MYCBP2: variants seen among roughly 807,000 people sequenced by gnomAD.
MYCBP2 encodes the protein MYC binding protein 2.
A neutral mutation model predicts 525.3 loss-of-function variants in MYCBP2; 120 were observed. That is an observed-to-expected ratio of 0.23 (90% CI 0.20 to 0.27). The LOEUF is 0.27. Among genes scored for constraint, MYCBP2 ranks in the 10% least tolerant of loss-of-function variants. The pLI is 1.00. For missense variants in MYCBP2, 4,149 were observed against 5,657.1 expected, an observed-to-expected ratio of 0.73 and a Z score of 8.55; for synonymous variants, 1,894 against 1,955.8, an observed-to-expected ratio of 0.97 and a Z score of 0.83.
intron 71 of MYCBP2, among the ~76,000 whole-genome samples, chr13:77,067,332 G>T (rs1382563758): frequency 6.6e-6 from 1 of 152,014 alleles, no homozygotes; most frequent in African/African-American, 2.4e-5. Context: ...TGAGAGGTAG[G>T]TATCTAGAAT....
chr13:77,312,026 G>A (rs904559430), intron 1 of MYCBP2, among the ~76,000 whole-genome samples: 1 of 152,044 alleles, frequency 6.6e-6, no homozygotes, highest in African/African-American at 2.4e-5. Context: ...ACACAGAGGG[G>A]AATAAGGTTT....
At chr13:77,306,376 T>G (rs2079418150) in intron 1 of MYCBP2, among the ~76,000 whole-genome samples, 1 of 152,174 alleles carries the variant, frequency 6.6e-6, no homozygotes, top group African/African-American at 2.4e-5. Context: ...GCCGGCTAAT[T>G]AGTAATAAGA....
At chr13:77,181,664 A>G (rs777809054) in intron 33 of MYCBP2, 37 bp downstream of exon 33, 7 of 1,540,576 alleles carry the variant, frequency 4.5e-6, no homozygotes, top group African/African-American at 1.4e-5. Context: ...TTAGAGTTTT[A>G]GTGCCTCTGT....
chr13:77,135,886 G>A (rs975187546), intron 52 of MYCBP2, among the ~76,000 whole-genome samples: 2 of 151,236 alleles, frequency 1.3e-5, no homozygotes, highest in African/African-American at 4.9e-5. Context: ...ACCCAGGCTG[G>A]AGTGCAGTGG....
chr13:77,095,901 G>C (rs1329791240), intron 57 of MYCBP2, among the ~76,000 whole-genome samples: 1 of 151,978 alleles, frequency 6.6e-6, no homozygotes, highest in Non-Finnish European at 1.5e-5. Flanking sequence ...CGTGTATTCA[G>C]TGAAATTTTT....
chr13:77,124,239 T>C (rs1442292648), intron 54 of MYCBP2, among the ~76,000 whole-genome samples: 1 of 152,142 alleles, frequency 6.6e-6, no homozygotes, highest in Non-Finnish European at 1.5e-5. Context: ...TTCCTACCTA[T>C]AAATTTAAGA....
chr13:77,278,374 T>C (rs370635870), intron 4 of MYCBP2, among the ~76,000 whole-genome samples: 25 of 152,212 alleles, frequency 1.6e-4, no homozygotes, highest in African/African-American at 6.0e-4. Context: ...TTGAGAAATG[T>C]GTGTGCACGA....
chr13:77,123,486 G>A (rs1172189023), intron 54 of MYCBP2, among the ~76,000 whole-genome samples: 2 of 152,154 alleles, frequency 1.3e-5, no homozygotes, highest in Non-Finnish European at 2.9e-5. Flanking sequence ...AAGGCATTTT[G>A]CATTTTAACA....
intron 36 of MYCBP2, 75 bp downstream of exon 36, chr13:77,176,422 C>A: frequency 7.5e-7 from 1 of 1,325,580 alleles, no homozygotes; most frequent in South Asian, 2.2e-5. Flanking sequence ...AAACAAAATT[C>A]ATGGAATACT....
Position 77,177,976 on chromosome 13 carries a change from G to T in MYCBP2, c.5134-22C>A, listed in dbSNP as rs773881542. The T allele has an allele frequency of 3.5e-6, 5 of 1,419,808 alleles. No homozygotes were observed. In the African/African-American group the frequency reaches 4.2e-5, roughly 12 times the overall value. 88.0% of individuals were successfully genotyped at this position (1,419,808 alleles called of 1,614,324 possible). A position where few individuals can be genotyped will look rare whatever the true frequency, so the allele number is the denominator to read the frequency against. Reference sequence around the variant, plus strand: ...CAACCTGTGAACAATAAAAGCAATTGTATCAGTAGTTGGTATACCTTTAAC... The same window carrying T: ...CAACCTGTGAACAATAAAAGCAATTTTATCAGTAGTTGGTATACCTTTAAC... On this transcript the variant is annotated intron_variant, in intron 34 of 82. Coordinates refer to ENST00000544440, the MANE Select transcript of MYCBP2 (RefSeq NM_015057.5).
chr13:77,082,026 T>A, intron 63 of MYCBP2, 33 bp from the exon 64 acceptor site: 3 of 1,592,510 alleles, frequency 1.9e-6, no homozygotes, highest in Non-Finnish European at 2.6e-6. Context: ...ATATACGAAA[T>A]AATTATTTTC....
chr13:77,176,331 T>A (rs1481568440), intron 36 of MYCBP2, among the ~76,000 whole-genome samples, 166 bp downstream of exon 36: 1 of 152,198 alleles, frequency 6.6e-6, no homozygotes, highest in Non-Finnish European at 1.5e-5. Context: ...TATAATGTGG[T>A]ACAACATTAG....
Position 77,270,379 on chromosome 13 carries a change from G to T in MYCBP2, c.1105C>A (p.Leu369Ile). Residue 369 changes from leucine to isoleucine, a missense_variant, in exon 6 of 83, where the codon CTT becomes ATT. This residue lies in a region of MYCBP2 where 262 missense variants were observed against 419.3 expected (regional missense o/e 0.62). Transcript: ENST00000544440. ...ISVDEDDQCL[L>I]QNDGFFLYLL... ...TAAAGAAAAAATCCATCATTCTGAAGTAGACATTGGTCATCTTCATCAACA... is the reference window on the plus strand; with the variant it reads ...TAAAGAAAAAATCCATCATTCTGAATTAGACATTGGTCATCTTCATCAACA... The T allele has an allele frequency of 6.2e-7, 1 of 1,613,612 alleles. No individual in the cohort carries two copies. Among genetic ancestry groups the T allele is most frequent in the Non-Finnish European group, 8.5e-7 (1 of 1,179,790 alleles).
chr13:77,069,795 G>A (rs1002276239), intron 69 of MYCBP2, among the ~76,000 whole-genome samples: 4 of 151,700 alleles, frequency 2.6e-5, no homozygotes, highest in African/African-American at 9.7e-5. Context: ...GTGAACCCAG[G>A]AGGCGGAGCT....
intron 57 of MYCBP2, among the ~76,000 whole-genome samples, chr13:77,095,920 T>C (rs1288013768): frequency 6.6e-6 from 1 of 151,780 alleles, no homozygotes; most frequent in East Asian, 1.9e-4. Context: ...TTTAGTTAGG[T>C]GCCACTAGAG....
chr13:77,185,897 T>A lies in MYCBP2; in HGVS notation c.4418A>T (p.Tyr1473Phe), dbSNP rs746830963. 4 of 1,609,284 alleles carry A rather than the reference T, an allele frequency of 2.5e-6. No individual in the cohort carries two copies. In the South Asian group the frequency reaches 3.3e-5, roughly 13 times the overall value. The change falls in exon 31 of 83, where the codon TAT (tyrosine) becomes TTT (phenylalanine). Residue 1473 changes from tyrosine (Y) to phenylalanine (F), a missense_variant. By Grantham distance (22) the Tyr-to-Phe change is conservative. This residue lies in a region of MYCBP2 where 292 missense variants were observed against 330.5 expected (regional missense o/e 0.88). Coordinates refer to ENST00000544440, the MANE Select transcript of MYCBP2 (RefSeq NM_015057.5). The stretch of plus-strand genomic sequence containing the variant: ...TGACACTGGGTAAATTTCACAGGTA[T>A]AGACACGCAATAACCTCAGACAACA... The part of the protein sequence containing the change: ...GTCCLRLLRV[Y>F]TCEIYPVSAT...
intron 2 of MYCBP2, among the ~76,000 whole-genome samples, chr13:77,292,254 A>G (rs2077556869): frequency 6.6e-6 from 1 of 152,152 alleles, no homozygotes; most frequent in Non-Finnish European, 1.5e-5. Flanking sequence ...TCACAAACAC[A>G]TACCTTTTTC....
intron 82 of MYCBP2, 135 bp from the exon 83 acceptor site, chr13:77,045,628 A>T (rs867046711): frequency 1.6e-6 from 1 of 638,052 alleles, no homozygotes; most frequent in Middle Eastern, 3.5e-4. Flanking sequence ...TAACATTTAG[A>T]AATTTTTCTT....
At chr13:77,164,742 A>G (rs1235139588) in intron 42 of MYCBP2, among the ~76,000 whole-genome samples, 1 of 152,218 alleles carries the variant, frequency 6.6e-6, no homozygotes, top group Non-Finnish European at 1.5e-5. Context: ...TTAAAGGTTC[A>G]TTGTTCAAAT....
Sources: allele counts gnomAD v4.1 joint callset (sites outside exome capture counted in the v4.1 genomes callset), GRCh38; gene constraint gnomAD v4.1.1; regional missense constraint gnomAD v4.1.1; transcripts MANE v1.5; gene names NCBI Gene and HGNC (gene_info 2026-07-23, HGNC 2026-07-21).